The following TCF20 variants were observed in gnomAD, a reference collection of about 807,000 sequenced individuals.
TCF20 encodes the protein SPRE-binding protein.
TCF20 carries 3 observed loss-of-function variants against 148.6 expected under a neutral mutation model. The observed-to-expected ratio is 0.02, with a 90% CI of 0.01 to 0.05. The LOEUF is 0.05. TCF20 is among the 10% of genes least tolerant of loss of function. The pLI is 1.00. For synonymous variants in TCF20, 1,049 were observed against 909.5 expected, an observed-to-expected ratio of 1.15 and a Z score of -2.76; for missense variants, 2,350 against 2,429.3, an observed-to-expected ratio of 0.97 and a Z score of 0.69.
At chr22:42,203,827 G>A (rs1429986568) in intron 2 of TCF20, among the ~76,000 whole-genome samples, 1 of 152,162 alleles carries the variant, frequency 6.6e-6, no homozygotes, top group Non-Finnish European at 1.5e-5. Flanking sequence ...AAGCACAGAG[G>A]AAGAACAATC....
rs565705097 is a variant in TCF20, at chr22:42,256,252, C to G, written c.-37+14087G>C. Among the ~76,000 whole-genome samples, 16 of 152,340 alleles carry G rather than the reference C, an allele frequency of 1.1e-4. No individual in the cohort carries two copies. In the South Asian group the frequency reaches 3.3e-3, roughly 32 times the overall value. On this transcript the variant is annotated intron_variant, in intron 1 of 5. Coordinates refer to ENST00000677622, the MANE Select transcript of TCF20 (RefSeq NM_001378418.1). The stretch of plus-strand genomic sequence containing the variant: ...ATGTTAATTTTCCATATTGGACTCT[C>G]CCACAGACCCTGAACTCTAAGGAAA...
At chr22:42,250,959 C>G (rs952317781) in intron 1 of TCF20, among the ~76,000 whole-genome samples, 1 of 152,098 alleles carries the variant, frequency 6.6e-6, no homozygotes, top group Non-Finnish European at 1.5e-5. Flanking sequence ...CCAGATCTCG[C>G]GAGAAGTCGC....
intron 1 of TCF20, among the ~76,000 whole-genome samples, chr22:42,320,467 C>A (rs1927711719): frequency 6.6e-6 from 1 of 152,200 alleles, no homozygotes; most frequent in Admixed American, 6.5e-5. Context: ...TGTGCCCTTC[C>A]TCCACCTCAA....
chr22:42,213,280 T>G lies in TCF20; in HGVS notation c.2026A>C (p.Asn676His), dbSNP rs778444156. Residue 676 changes from asparagine to histidine, a missense_variant, in exon 2 of 6, where the codon AAT (asparagine) becomes CAT (histidine). Coordinates refer to ENST00000677622, the MANE Select transcript of TCF20 (RefSeq NM_001378418.1). Reference sequence around the variant, plus strand: ...CCACTCTGGCCATTTCCTTCTCCATTATGGTTGGAGTTGTTATCGCCATTC... The same window carrying G: ...CCACTCTGGCCATTTCCTTCTCCATGATGGTTGGAGTTGTTATCGCCATTC... Reference protein sequence around the residue: ...NKNGDNNSNHNGEGNGQSGHS... With the variant: ...NKNGDNNSNHHGEGNGQSGHS... 1.9e-6 allele frequency: 3 copies of G among 1,614,102 alleles called. No individual in the cohort carries two copies. Among genetic ancestry groups the G allele is most frequent in the Admixed American group, 3.3e-5 (2 of 60,014 alleles).
chr22:42,339,120 A>G (rs1486076398), intron 1 of TCF20, among the ~76,000 whole-genome samples: 1 of 152,178 alleles, frequency 6.6e-6, no homozygotes, highest in Non-Finnish European at 1.5e-5. Context: ...AAGAGTCCGG[A>G]CCAAAGACAC....
chr22:42,219,347 C>T lies in TCF20; in HGVS notation c.-36-4006G>A, dbSNP rs560439927. Among the ~76,000 whole-genome samples, 134 of 41,386 alleles carry T rather than the reference C, an allele frequency of 3.2e-3. 1 individual carries two copies. Among genetic ancestry groups the T allele is most frequent in the Non-Finnish European group, 5.0e-3 (110 of 22,036 alleles). 27.2% of individuals were successfully genotyped at this position (41,386 alleles called of 152,430 possible). On this transcript the variant is annotated intron_variant, in intron 1 of 5. Coordinates refer to ENST00000677622, the MANE Select transcript of TCF20 (RefSeq NM_001378418.1). Reference sequence around the variant, plus strand: ...TGTGCTCCACCCTGGGTGACAGTAACCCTGTCTCAAAAAAAAAAAAAAAAA... The same window carrying T: ...TGTGCTCCACCCTGGGTGACAGTAATCCTGTCTCAAAAAAAAAAAAAAAAA...
chr22:42,302,176 G>GCA (rs1927349029), intron 1 of TCF20, among the ~76,000 whole-genome samples: 1 of 152,204 alleles, frequency 6.6e-6, no homozygotes, highest in African/African-American at 2.4e-5. Context: ...TGCCTTAAGG[G>GCA]CACTATCGGG....
intron 3 of TCF20, among the ~76,000 whole-genome samples, chr22:42,177,085 C>T (rs1182476246): frequency 6.6e-6 from 1 of 152,098 alleles, no homozygotes; most frequent in Non-Finnish European, 1.5e-5. Context: ...TGAAACATTA[C>T]TGAGCACCCC....
At chr22:42,337,610 C>T (rs1928088257) in intron 1 of TCF20, among the ~76,000 whole-genome samples, 1 of 152,234 alleles carries the variant, frequency 6.6e-6, no homozygotes, top group Admixed American at 6.5e-5. Flanking sequence ...TAAAATCCTG[C>T]CTGATCCTTC....
rs3045573 is a variant in TCF20, at chr22:42,161,972, CTTTTTTTTTTTTTT to C, written c.*45-628_*45-615del. On this transcript the variant is annotated intron_variant, in intron 5 of 5. Transcript: ENST00000677622. ...GCCACCATGCTTGGCTAATGACAGTCTTTTTTTTTTTTTTTTTTTTTTTTTTTTGAGACAGTCTT... is the reference window on the plus strand; with the variant it reads ...GCCACCATGCTTGGCTAATGACAGTCTTTTTTTTTTTTTTGAGACAGTCTT... Among the ~76,000 whole-genome samples, 283 of 75,020 alleles carry C rather than the reference CTTTTTTTTTTTTTT, an allele frequency of 3.8e-3. 3 individuals carry two copies. The highest frequency in any genetic ancestry group is 5.9e-3 in the African/African-American group (92 of 15,662). The allele number at this position is 75,020 out of a possible 152,430, so 49.2% of individuals were successfully genotyped here.
chr22:42,302,105 G>A (rs1927347410), intron 1 of TCF20, among the ~76,000 whole-genome samples: 1 of 152,208 alleles, frequency 6.6e-6, no homozygotes. Flanking sequence ...AATGGGACAG[G>A]AGGCAAAGGG....
intron 2 of TCF20, among the ~76,000 whole-genome samples, chr22:42,201,830 C>G (rs17002872): frequency 0.78 from 118,731 of 152,040 alleles, 47,103 homozygotes; most frequent in African/African-American, 0.92. Context: ...TCTTTTCTTT[C>G]GCTTTAGATA....
chr22:42,252,519 C>T (rs1341314242), intron 1 of TCF20, among the ~76,000 whole-genome samples: 1 of 152,058 alleles, frequency 6.6e-6, no homozygotes, highest in Non-Finnish European at 1.5e-5. Context: ...TGGCACATCT[C>T]GACTCACTGC....
rs368244531 is a variant in TCF20, at chr22:42,190,643, A to T, written c.5656-10941T>A. ...ACATCCAGGAGGAGTTAAAGCTAAC[A>T]ATCTACTATTGCTACTAAACCAAAC... On this transcript the variant is annotated intron_variant, in intron 2 of 5. Coordinates refer to ENST00000677622, the MANE Select transcript of TCF20 (RefSeq NM_001378418.1). 4.1e-3 allele frequency among the ~76,000 whole-genome samples: 630 copies of T among 152,334 alleles called. 4 individuals carry two copies. The highest frequency in any genetic ancestry group is 0.015 in the African/African-American group (608 of 41,578).
chr22:42,343,455 GCCGCGC>G (rs1928203938), intron 1 of TCF20: 1 of 151,150 alleles, frequency 6.6e-6, no homozygotes, highest in South Asian at 2.1e-4. Context: ...CCCGCCCCCC[GCCGCGC>G]CCGCGCTGTC....
intron 1 of TCF20, among the ~76,000 whole-genome samples, chr22:42,302,153 G>A (rs1174344717): frequency 6.6e-6 from 1 of 152,208 alleles, no homozygotes; most frequent in Non-Finnish European, 1.5e-5. Flanking sequence ...TCACTGGGCA[G>A]GTGCCTTGAT....
chr22:42,239,518 T>C (rs928436417), intron 1 of TCF20, among the ~76,000 whole-genome samples: 2 of 150,548 alleles, frequency 1.3e-5, no homozygotes, highest in African/African-American at 4.9e-5. Flanking sequence ...CCAGGTGTGG[T>C]GGCTCATGCC....
intron 1 of TCF20, among the ~76,000 whole-genome samples, chr22:42,227,467 G>A (rs917055557): frequency 6.6e-6 from 1 of 152,070 alleles, no homozygotes; most frequent in African/African-American, 2.4e-5. Context: ...ATACTCTAGT[G>A]CGTTATTTCC....
At position 42,270,341 on chromosome 22, in the gene TCF20, G is replaced by A. The variant is rs1926537523; in HGVS notation, c.-39C>T. Among the ~76,000 whole-genome samples the A allele has an allele frequency of 6.6e-6, 1 of 151,792 alleles. No homozygotes were observed. Among genetic ancestry groups the A allele is most frequent in the Non-Finnish European group, 1.5e-5 (1 of 67,852 alleles). ...CCTCAGGCCCGGGAGGCGGTTACCT[G>A]CAGGAGCCCCCCGCCCAGTCCCTCG... On this transcript the variant is annotated splice_region_variant and 5_prime_UTR_variant, in exon 1 of 6. Transcript: ENST00000677622.
Sources: gnomAD v4.1 joint callset for allele counts (sites outside exome capture counted in the v4.1 genomes callset) on GRCh38, gnomAD v4.1.1 for gene constraint, MANE v1.5 for transcripts, NCBI Gene and HGNC (gene_info 2026-07-23, HGNC 2026-07-21) for gene names.